Variants in TUT4 observed in about 807,000 individuals in gnomAD.
The protein encoded by TUT4 is terminal uridylyl transferase 4, also known as terminal uridylyltransferase 4.
A neutral mutation model predicts 192.2 loss-of-function variants in TUT4; 36 were observed. The ratio of observed to expected loss-of-function variants is 0.19; its 90% CI spans 0.14 to 0.25. The LOEUF is 0.25. Ranked by LOEUF, TUT4 falls within the 10% of genes least tolerant of loss-of-function variation. TUT4 has a pLI of 1.00. For synonymous variants in TUT4, 618 were observed against 666.0 expected, an observed-to-expected ratio of 0.93 and a Z score of 1.11; for missense variants, 1,493 against 1,957.2, an observed-to-expected ratio of 0.76 and a Z score of 4.47.
At chr1:52,482,273 T>C (rs1346657232) in intron 9 of TUT4, among the ~76,000 whole-genome samples, 3 of 152,208 alleles carry the variant, frequency 2.0e-5, no homozygotes, top group African/African-American at 2.4e-5. Context: ...TCTATACTCA[T>C]ATACAAATAC....
At position 52,457,347 on chromosome 1, in the gene TUT4, T is replaced by G. The variant is rs372583540; in HGVS notation, c.3435+989A>C. Among the ~76,000 whole-genome samples the G allele has an allele frequency of 3.9e-5, 6 of 152,152 alleles. No homozygotes were observed. The East Asian group carries it at 1.2e-3, about 29-fold the overall frequency. On this transcript the variant is annotated intron_variant, in intron 20 of 29. Coordinates refer to ENST00000257177, the MANE Select transcript of TUT4 (RefSeq NM_001009881.3). ...GCCTCCCGGGTTCAAGCAATTCTCC[T>G]GCCTCAGTCTCCCGAGTAGCTGGGA...
intron 1 of TUT4, among the ~76,000 whole-genome samples, chr1:52,527,831 T>C (rs111544189): frequency 2.0e-5 from 3 of 152,054 alleles, no homozygotes; most frequent in African/African-American, 7.2e-5. Flanking sequence ...GCAGGGTATA[T>C]ATGGCAACTT....
At chr1:52,531,046 C>T (rs1012173889) in intron 1 of TUT4, among the ~76,000 whole-genome samples, 4 of 151,990 alleles carry the variant, frequency 2.6e-5, no homozygotes, top group Non-Finnish European at 4.4e-5. Flanking sequence ...CCCCTGCACA[C>T]TTTACTTGGT....
At chr1:52,479,778 A>C (rs1668012037) in intron 11 of TUT4, among the ~76,000 whole-genome samples, 1 of 151,988 alleles carries the variant, frequency 6.6e-6, no homozygotes, top group South Asian at 2.1e-4. Flanking sequence ...GTGGATCACG[A>C]GATCAGGAGA....
At chr1:52,497,692 C>T (rs1672802689) in intron 4 of TUT4, among the ~76,000 whole-genome samples, 1 of 152,124 alleles carries the variant, frequency 6.6e-6, no homozygotes, top group Non-Finnish European at 1.5e-5. Flanking sequence ...GTTTTAAAGC[C>T]AATTTAAATC....
chr1:52,497,394 G>A (rs566824496), intron 4 of TUT4, among the ~76,000 whole-genome samples: 1 of 152,290 alleles, frequency 6.6e-6, no homozygotes, highest in South Asian at 2.1e-4. Flanking sequence ...GGGAGGGGAT[G>A]CTACTAAGTT....
chr1:52,536,831 G>A lies in TUT4; in HGVS notation c.-93-10458C>T, dbSNP rs554107501. ...ACTGTGCCACTGCACTCCAGCCTGG[G>A]CAACAAGAGTTTCGTCTCAAAAAAG... On this transcript the variant is annotated intron_variant, in intron 1 of 29. Transcript: ENST00000257177. Among the ~76,000 whole-genome samples, 16 of 143,494 alleles carry A rather than the reference G, an allele frequency of 1.1e-4. No individual in the cohort carries two copies. The South Asian group carries it at 3.6e-3, about 32-fold the overall frequency. 94.1% of individuals were successfully genotyped at this position (143,494 alleles called of 152,430 possible). A position where few individuals can be genotyped will look rare whatever the true frequency, so the allele number is the denominator to read the frequency against.
chr1:52,516,195 G>A (rs555693516), intron 2 of TUT4, 141 bp from the exon 3 acceptor site: 1 of 698,932 alleles, frequency 1.4e-6, no homozygotes, highest in South Asian at 2.2e-5. Flanking sequence ...AAGTTGGTAT[G>A]CATATATAAA....
chr1:52,528,409 T>C (rs1005123470), intron 1 of TUT4, among the ~76,000 whole-genome samples: 17 of 151,078 alleles, frequency 1.1e-4, no homozygotes, highest in African/African-American at 4.2e-4. Context: ...GAGGATCGCT[T>C]GAGACCAGGA....
intron 11 of TUT4, among the ~76,000 whole-genome samples, chr1:52,478,700 G>C (rs1353869610): frequency 6.6e-6 from 1 of 152,142 alleles, no homozygotes; most frequent in African/African-American, 2.4e-5. Flanking sequence ...CTCTAATCAG[G>C]GGAATCATAA....
chr1:52,468,383 A>G (rs1412086856), intron 14 of TUT4, 116 bp from the exon 15 acceptor site: 32 of 705,740 alleles, frequency 4.5e-5, no homozygotes, highest in Non-Finnish European at 6.9e-5. Flanking sequence ...TTATTTGTTG[A>G]CTTCTCTGAC....
chr1:52,438,389 C>A, intron 24 of TUT4, 54 bp from the exon 25 acceptor site: 2 of 1,282,068 alleles, frequency 1.6e-6, no homozygotes, highest in Non-Finnish European at 2.2e-6. Context: ...CTTTTGAATC[C>A]AAATGGAAAG....
intron 12 of TUT4, among the ~76,000 whole-genome samples, 192 bp downstream of exon 12, chr1:52,477,516 A>G (rs2148916243): frequency 6.6e-6 from 1 of 152,312 alleles, no homozygotes; most frequent in South Asian, 2.1e-4. Context: ...GCAGTAAGCC[A>G]TGATCCTATC....
intron 11 of TUT4, among the ~76,000 whole-genome samples, chr1:52,479,974 G>A (rs532303278): frequency 9.2e-5 from 13 of 140,990 alleles, no homozygotes; most frequent in African/African-American, 2.7e-4. Flanking sequence ...CAGCCTGGGC[G>A]ACAGAGCGAG....
rs138823318 is a variant in TUT4 at position 52,539,568 on chromosome 1, C to T, written c.-93-13195G>A. On this transcript the variant is annotated intron_variant, in intron 1 of 29. Transcript: ENST00000257177. Reference sequence around the variant, plus strand: ...TGCCACAAGTTCCTACAAAAAGTCCCGGAGCTCTTACAAATTTTCAGTTTT... The same window carrying T: ...TGCCACAAGTTCCTACAAAAAGTCCTGGAGCTCTTACAAATTTTCAGTTTT... Among the ~76,000 whole-genome samples the T allele has an allele frequency of 5.3e-5, 8 of 152,198 alleles. No individual in the cohort carries two copies. In the East Asian group the frequency reaches 9.6e-4, roughly 18 times the overall value.
intron 4 of TUT4, among the ~76,000 whole-genome samples, chr1:52,507,841 C>T (rs772895429): frequency 3.3e-5 from 5 of 151,968 alleles, no homozygotes; most frequent in Non-Finnish European, 7.4e-5. Context: ...GATAGAGTCT[C>T]GCTCCCTCGC....
rs1195208047 is a variant in TUT4, at chr1:52,476,649, A to AG, written c.2023+1058dup. Among the ~76,000 whole-genome samples the AG allele has an allele frequency of 2.6e-5, 4 of 152,002 alleles. No individual in the cohort carries two copies. In the East Asian group the frequency reaches 5.8e-4, roughly 22 times the overall value. On this transcript the variant is annotated intron_variant, in intron 12 of 29. Coordinates refer to ENST00000257177, the MANE Select transcript of TUT4 (RefSeq NM_001009881.3). ...CCTCACTTCCCAAAGAAAATGAAAG[A>AG]GGGGGGGAAAAGAAAGAAAAAAAAA...
At chr1:52,519,510 A>G (rs1271124478) in intron 2 of TUT4, among the ~76,000 whole-genome samples, 1 of 151,358 alleles carries the variant, frequency 6.6e-6, no homozygotes, top group African/African-American at 2.4e-5. Context: ...TTAGTAAAAT[A>G]TTCTTTTTTT....
At chr1:52,480,583 G>A (rs1460606182) in intron 11 of TUT4, among the ~76,000 whole-genome samples, 1 of 152,178 alleles carries the variant, frequency 6.6e-6, no homozygotes, top group Admixed American at 6.5e-5. Context: ...AGTGATGTCA[G>A]ATTTTTCTTA....
Sources: allele counts gnomAD v4.1 joint callset (sites outside exome capture counted in the v4.1 genomes callset), GRCh38; gene constraint gnomAD v4.1.1; transcripts MANE v1.5; gene names NCBI Gene and HGNC (gene_info 2026-07-23, HGNC 2026-07-21).